BAZ1B: variants seen among roughly 807,000 people sequenced by gnomAD.
The protein encoded by BAZ1B is bromodomain adjacent to zinc finger domain 1B.
BAZ1B carries 22 observed loss-of-function variants against 153.8 expected under a neutral mutation model. The observed-to-expected ratio is 0.14, with a 90% CI of 0.10 to 0.20. The LOEUF is 0.20. BAZ1B is among the 10% of genes least tolerant of loss of function. The pLI, the probability that BAZ1B is intolerant of heterozygous loss-of-function variation, is 1.00. For missense variants in BAZ1B, 1,325 were observed against 1,799.3 expected, an observed-to-expected ratio of 0.74 and a Z score of 4.77; for synonymous variants, 676 against 633.4, an observed-to-expected ratio of 1.07 and a Z score of -1.01.
intron 6 of BAZ1B, among the ~76,000 whole-genome samples, chr7:73,486,129 A>T (rs1554574453): frequency 6.6e-6 from 1 of 152,216 alleles, no homozygotes; most frequent in African/African-American, 2.4e-5. Flanking sequence ...ATACTATGCT[A>T]AACGTTACAA....
intron 4 of BAZ1B, among the ~76,000 whole-genome samples, chr7:73,494,766 T>G (rs1563392292): frequency 6.6e-6 from 1 of 152,118 alleles, no homozygotes; most frequent in Non-Finnish European, 1.5e-5. Flanking sequence ...AACAAACATC[T>G]GAACTAATGT....
chr7:73,443,751 C>T (rs528814380), intron 17 of BAZ1B, among the ~76,000 whole-genome samples: 5 of 152,134 alleles, frequency 3.3e-5, no homozygotes, highest in South Asian at 4.2e-4. Flanking sequence ...GCAGGCTGCC[C>T]GCTAACTAGT....
At chr7:73,461,737 G>A (rs1368245084) in intron 12 of BAZ1B, among the ~76,000 whole-genome samples, 8 of 152,136 alleles carry the variant, frequency 5.3e-5, no homozygotes, top group African/African-American at 1.9e-4. Flanking sequence ...TTATAAATTA[G>A]GAAAAATGGC....
intron 1 of BAZ1B, among the ~76,000 whole-genome samples, chr7:73,520,622 A>T (rs1790997195): frequency 6.6e-6 from 1 of 152,180 alleles, no homozygotes; most frequent in Non-Finnish European, 1.5e-5. Flanking sequence ...TTCCTCCAGC[A>T]TGGACTGATT....
intron 6 of BAZ1B, among the ~76,000 whole-genome samples, chr7:73,480,080 C>T (rs142641952): frequency 0.012 from 1,889 of 151,828 alleles, 42 homozygotes; most frequent in African/African-American, 0.043. Flanking sequence ...GAGGCGTGAA[C>T]CCGCAAGGTG....
In BAZ1B at chr7:73,477,531, C is replaced by G. The variant is rs782079814; in HGVS notation, c.1930G>C (p.Asp644His). ...TTAAGGTATAAAAAGCCACCCTTAT[C>G]TGCACTCAAGGCTTCCATAAGGGAC... ...AVSLMEALSA[D>H]KGGFLYLNRV... The change falls in exon 7 of 20, where the codon GAT becomes CAT. Residue 644 changes from aspartate (D) to histidine (H), a missense_variant. By Grantham distance (81) the Asp-to-His change is moderately conservative. Coordinates refer to ENST00000339594, the MANE Select transcript of BAZ1B (RefSeq NM_032408.4). The surrounding 1 kb of genome is among the most constrained non-coding windows in gnomAD (Gnocchi z 5.6). 1 of 1,614,182 alleles carries G rather than the reference C, an allele frequency of 6.2e-7. No individual in the cohort carries two copies.
At chr7:73,492,396 T>TCGGC (rs1190547422) in intron 5 of BAZ1B, among the ~76,000 whole-genome samples, 4 of 151,898 alleles carry the variant, frequency 2.6e-5, no homozygotes, top group Non-Finnish European at 4.4e-5. Flanking sequence ...TCTCCTGACC[T>TCGGC]CATGATCCGC....
chr7:73,443,981 C>T lies in BAZ1B; in HGVS notation c.3990+3G>A. 1.2e-6 allele frequency: 2 copies of T among 1,613,308 alleles called. No individual in the cohort carries two copies. Among genetic ancestry groups the T allele is most frequent in the Non-Finnish European group, 1.7e-6 (2 of 1,179,702 alleles). ...TAGAGAAGGGATGATAAATAATTCTCACCAGCTCATCCACCTCAGCATCAT... is the reference window on the plus strand; with the variant it reads ...TAGAGAAGGGATGATAAATAATTCTTACCAGCTCATCCACCTCAGCATCAT... On this transcript the variant is annotated splice_donor_region_variant and intron_variant, in intron 17 of 19. Transcript: ENST00000339594.
At chr7:73,467,367 A>C (rs1347733394) in intron 9 of BAZ1B, among the ~76,000 whole-genome samples, 5 of 151,112 alleles carry the variant, frequency 3.3e-5, no homozygotes, top group African/African-American at 1.2e-4. Flanking sequence ...TGGGTAATTT[A>C]TTTATTTTTT....
chr7:73,442,525 C>T lies in BAZ1B; in HGVS notation c.4123G>A (p.Asp1375Asn). ...GGGTGCGTGATCACATCATAGTAGT[C>T]CTCGGCCTCATCTCTGGTCACAGGC... The part of the protein sequence containing the change: ...REPVTRDEAE[D>N]YYDVITHPMD... Residue 1375 changes from aspartate (D) to asparagine (N), a missense_variant, in exon 19 of 20, where the codon GAC (aspartate) becomes AAC (asparagine). Physicochemically the swap from Asp to Asn is conservative, Grantham distance 23. This residue lies in a region of BAZ1B where 271 missense variants were observed against 337.2 expected (regional missense o/e 0.80). Transcript: ENST00000339594. 6.2e-7 allele frequency: 1 copy of T among 1,612,430 alleles called. No homozygotes were observed. Among genetic ancestry groups the T allele is most frequent in the Non-Finnish European group, 8.5e-7 (1 of 1,178,800 alleles).
At chr7:73,485,315 CGTGTGTAT>C (rs1381949799) in intron 6 of BAZ1B, among the ~76,000 whole-genome samples, 2 of 151,976 alleles carry the variant, frequency 1.3e-5, no homozygotes, top group African/African-American at 4.8e-5. Flanking sequence ...AAAAATAATT[CGTGTGTAT>C]ATAGACAGCA....
chr7:73,515,259 T>G (rs1790750291), intron 1 of BAZ1B, among the ~76,000 whole-genome samples: 1 of 152,226 alleles, frequency 6.6e-6, no homozygotes, highest in Non-Finnish European at 1.5e-5. Context: ...TTCTAACTAT[T>G]CACCTCCTTT....
intron 7 of BAZ1B, among the ~76,000 whole-genome samples, chr7:73,476,389 C>T (rs1789001164): frequency 6.6e-6 from 1 of 152,168 alleles, no homozygotes; most frequent in African/African-American, 2.4e-5. Flanking sequence ...GTTCTTAAAT[C>T]TTAAAGGACA....
At position 73,488,189 on chromosome 7, in the gene BAZ1B, G is replaced by A. The variant is rs1001671056; in HGVS notation, c.891+1005C>T. On this transcript the variant is annotated intron_variant, in intron 6 of 19. Coordinates refer to ENST00000339594, the MANE Select transcript of BAZ1B (RefSeq NM_032408.4). ...TGAAAATTATCAGCCAGTATGCTGC[G>A]TTACATTTACCAATGAAAGAAGCAT... 4.6e-5 allele frequency among the ~76,000 whole-genome samples: 7 copies of A among 152,064 alleles called. No homozygotes were observed. In the East Asian group the frequency reaches 5.8e-4, roughly 13 times the overall value.
At chr7:73,451,142 T>C in intron 13 of BAZ1B, 148 bp from the exon 14 acceptor site, 1 of 1,113,102 alleles carries the variant, frequency 9.0e-7, no homozygotes, top group Non-Finnish European at 1.2e-6. Context: ...TATAAAAGGC[T>C]CCAAAGGGGG....
At chr7:73,475,111 TTAATTCAC>T (rs1554572574) in intron 7 of BAZ1B, among the ~76,000 whole-genome samples, 2 of 152,220 alleles carry the variant, frequency 1.3e-5, no homozygotes, top group Non-Finnish European at 2.9e-5. Context: ...GTCAGAACCT[TTAATTCAC>T]TGCTGGTGGG....
At chr7:73,457,498 T>C (rs782402027) in intron 13 of BAZ1B, among the ~76,000 whole-genome samples, 1 of 152,110 alleles carries the variant, frequency 6.6e-6, no homozygotes, top group Non-Finnish European at 1.5e-5. Flanking sequence ...TGTACATTCA[T>C]GTTCACAGCA....
intron 7 of BAZ1B, among the ~76,000 whole-genome samples, chr7:73,473,020 C>A (rs2116323520): frequency 6.6e-6 from 1 of 152,096 alleles, no homozygotes; most frequent in South Asian, 2.1e-4. Flanking sequence ...TGGCTCACTG[C>A]AACCTCAGAC....
At chr7:73,495,381 T>C (rs186806743) in intron 4 of BAZ1B, among the ~76,000 whole-genome samples, 5 of 152,300 alleles carry the variant, frequency 3.3e-5, no homozygotes, top group African/African-American at 1.2e-4. Flanking sequence ...ATCACCAGGC[T>C]ACAAACAGTT....
Sources: allele counts gnomAD v4.1 joint callset (sites outside exome capture counted in the v4.1 genomes callset), GRCh38; gene constraint gnomAD v4.1.1; regional missense constraint gnomAD v4.1.1; non-coding constraint Gnocchi (gnomAD v3.1); transcripts MANE v1.5; gene names NCBI Gene and HGNC (gene_info 2026-07-23, HGNC 2026-07-21).